LETM1: variants seen among roughly 807,000 people sequenced by gnomAD.
The protein encoded by LETM1 is leucine zipper and EF-hand containing transmembrane protein 1, also known as mitochondrial proton/calcium exchanger protein.
In LETM1, 50 loss-of-function variants were observed where a neutral mutation model predicts 74.5. The ratio of observed to expected loss-of-function variants is 0.67; its 90% CI spans 0.53 to 0.85. The LOEUF (loss-of-function observed/expected upper bound fraction) is 0.85, where lower values mean the gene tolerates loss of function less well. LETM1 is among the 40% of genes least tolerant of loss of function. The pLI is 0.00. For synonymous variants in LETM1, 446 were observed against 407.1 expected (o/e 1.10, Z -1.15); for missense variants, 824 against 967.8 (o/e 0.85, Z 1.97).
intron 3 of LETM1, among the ~76,000 whole-genome samples, chr4:1,840,193 C>T (rs930572830): frequency 1.8e-4 from 27 of 152,164 alleles, no homozygotes; most frequent in Non-Finnish European, 3.1e-4. Context: ...GCCTGGCCAA[C>T]GCGGTGAAAC....
intron 6 of LETM1, among the ~76,000 whole-genome samples, chr4:1,831,120 C>A (rs144168968): frequency 2.0e-5 from 3 of 152,236 alleles, no homozygotes; most frequent in African/African-American, 7.2e-5. Flanking sequence ...TCGTCCCCCC[C>A]AGCTTACTGC....
intron 3 of LETM1, among the ~76,000 whole-genome samples, chr4:1,838,144 G>A (rs1712520784): frequency 6.6e-6 from 1 of 151,626 alleles, no homozygotes; most frequent in Non-Finnish European, 1.5e-5. Context: ...CTGTCTCCAG[G>A]ATACAGTGCA....
chr4:1,816,934 T>G lies in LETM1; in HGVS notation c.1744-20A>C. ...CAAGTCCTAATAAAATTATTTTGGTTGTAAAAAGTTTGTCTTAAAAGAAAA... is the reference window on the plus strand; with the variant it reads ...CAAGTCCTAATAAAATTATTTTGGTGGTAAAAAGTTTGTCTTAAAAGAAAA... On this transcript the variant is annotated intron_variant, in intron 11 of 13. Transcript: ENST00000302787. 6.2e-7 allele frequency: 1 copy of G among 1,602,666 alleles called. No homozygotes were observed. The highest frequency in any genetic ancestry group is 1.1e-5 in the South Asian group (1 of 90,294).
At position 1,832,749 on chromosome 4, in the gene LETM1, C is replaced by T. The variant is rs373044970; in HGVS notation, c.1075G>A (p.Asp359Asn). The T allele has an allele frequency of 6.8e-6, 11 of 1,613,932 alleles. No individual in the cohort carries two copies. Among genetic ancestry groups the T allele is most frequent in the East Asian group, 2.2e-5 (1 of 44,890 alleles). ...CGGAGTATGGCCAGGCTCACCTTGT[C>T]GTCTGCCTTTATGGAGCGCAGCCGC... ...TMRLRSIKAD[D>N]KLIAEEGVDS... is the part of the protein sequence containing the mutation. The change falls in exon 6 of 14, where the codon GAC (aspartate) becomes AAC (asparagine). Residue 359 changes from aspartate (D) to asparagine (N), a missense_variant. Around this residue, in one of 4 missense-constraint regions of LETM1, gnomAD observed 269 missense variants for 348.8 expected, o/e 0.77. Coordinates refer to ENST00000302787, the MANE Select transcript of LETM1 (RefSeq NM_012318.3).
intron 10 of LETM1, among the ~76,000 whole-genome samples, chr4:1,821,344 G>A (rs1385282309): frequency 4.6e-5 from 7 of 150,996 alleles, no homozygotes; most frequent in Non-Finnish European, 7.4e-5. Flanking sequence ...CGCCCACCTC[G>A]GCCTCCCAAA....
chr4:1,831,359 A>T (rs1412514944), intron 6 of LETM1, among the ~76,000 whole-genome samples: 1 of 152,176 alleles, frequency 6.6e-6, no homozygotes, highest in Non-Finnish European at 1.5e-5. Flanking sequence ...ACCGCTGGGA[A>T]CGGGTGGGTG....
intron 2 of LETM1, chr4:1,842,872 T>C (rs192158748): frequency 1.9e-3 from 387 of 203,866 alleles, no homozygotes; most frequent in African/African-American, 8.4e-3. Flanking sequence ...CACACCACCA[T>C]TTACAGTCCA....
intron 1 of LETM1, among the ~76,000 whole-genome samples, 158 bp from the exon 2 acceptor site, chr4:1,849,367 T>C (rs9994320): frequency 0.094 from 14,367 of 152,216 alleles, 2,107 homozygotes; most frequent in African/African-American, 0.32. Context: ...TGGGTTTAAT[T>C]GATTCTCCTG....
chr4:1,824,051 G>A (rs1390705608), intron 7 of LETM1, among the ~76,000 whole-genome samples: 2 of 152,180 alleles, frequency 1.3e-5, no homozygotes, highest in South Asian at 2.1e-4. Context: ...GGCCGGGCGC[G>A]GTGGCTCACG....
Position 1,813,118 on chromosome 4 carries a change from C to G in LETM1, c.*1306G>C, listed in dbSNP as rs1450961707. 6.6e-6 allele frequency: 1 copy of G among 152,424 alleles called. No individual in the cohort carries two copies. Among genetic ancestry groups the G allele is most frequent in the Non-Finnish European group, 1.5e-5 (1 of 68,054 alleles). 9.4% of individuals were successfully genotyped at this position (152,424 alleles called of 1,614,324 possible). A position where few individuals can be genotyped will look rare whatever the true frequency, so the allele number is the denominator to read the frequency against. ...AAAGCTGAAAGCCTCTGGAAGCCAA[C>G]TGTCCCTGCACAAAGGTTTACAATT... On this transcript the variant is annotated 3_prime_UTR_variant, in exon 14 of 14. Coordinates refer to ENST00000302787, the MANE Select transcript of LETM1 (RefSeq NM_012318.3).
chr4:1,814,859 C>T (rs901714156), intron 13 of LETM1, among the ~76,000 whole-genome samples: 1 of 152,140 alleles, frequency 6.6e-6, no homozygotes, highest in African/African-American at 2.4e-5. Context: ...TGGCCAGGAA[C>T]CTGGGCCATG....
Position 1,825,698 on chromosome 4 carries a change from A to G in LETM1, c.1081-15T>C. The stretch of plus-strand genomic sequence containing the variant: ...TCAGCAATCAGCTAGAAAACAAAGC[A>G]GTGAATTATCATCTGGGACAGTTGC... On this transcript the variant is annotated splice_polypyrimidine_tract_variant and intron_variant, in intron 6 of 13. Coordinates refer to ENST00000302787, the MANE Select transcript of LETM1 (RefSeq NM_012318.3). The G allele has an allele frequency of 6.2e-7, 1 of 1,607,422 alleles. No homozygotes were observed.
intron 2 of LETM1, among the ~76,000 whole-genome samples, chr4:1,846,078 A>C (rs534700349): frequency 1.3e-5 from 2 of 151,986 alleles, no homozygotes; most frequent in East Asian, 3.9e-4. Flanking sequence ...GCTGGTCTTG[A>C]ACTTCTGGCC....
chr4:1,814,999 C>T (rs1159887673), intron 13 of LETM1, among the ~76,000 whole-genome samples: 3 of 152,244 alleles, frequency 2.0e-5, no homozygotes, highest in Non-Finnish European at 4.4e-5. Context: ...CTGCAAGAAA[C>T]CAGCCAACAC....
intron 1 of LETM1, among the ~76,000 whole-genome samples, chr4:1,855,582 C>T (rs1320667290): frequency 6.6e-6 from 1 of 152,268 alleles, no homozygotes; most frequent in Non-Finnish European, 1.5e-5. Flanking sequence ...GCAGGGCGCG[C>T]CAGGGCTGCC....
At chr4:1,823,881 T>G (rs1711887929) in intron 7 of LETM1, 106 bp from the exon 8 acceptor site, 2 of 1,277,528 alleles carry the variant, frequency 1.6e-6, no homozygotes, top group African/African-American at 1.5e-5. Flanking sequence ...GAAGACAGTG[T>G]CTCAAGTTCT....
At chr4:1,849,250 G>C (rs1165456028) in intron 1 of LETM1, 41 bp from the exon 2 acceptor site, 1 of 1,418,370 alleles carries the variant, frequency 7.1e-7, no homozygotes, top group Non-Finnish European at 1.0e-6. Flanking sequence ...TAGTAAATCA[G>C]GGATTTATAC....
At chr4:1,833,802 T>C (rs1205977742) in intron 5 of LETM1, 1 of 152,392 alleles carries the variant, frequency 6.6e-6, no homozygotes, top group Non-Finnish European at 1.5e-5. Context: ...ACATGCAGGA[T>C]GCCAGCTCTG....
chr4:1,851,137 C>T (rs572549530), intron 1 of LETM1, among the ~76,000 whole-genome samples: 11 of 152,278 alleles, frequency 7.2e-5, no homozygotes, highest in Non-Finnish European at 1.5e-4. Flanking sequence ...TGTGATCAAA[C>T]TTCATGCTGG....
Sources: gnomAD v4.1 joint callset for allele counts (sites outside exome capture counted in the v4.1 genomes callset) on GRCh38, gnomAD v4.1.1 for gene constraint, gnomAD v4.1.1 regional missense constraint, MANE v1.5 for transcripts, NCBI Gene and HGNC (gene_info 2026-07-23, HGNC 2026-07-21) for gene names.